The following THAP7 variants were observed in gnomAD, a reference collection of about 807,000 sequenced individuals.
THAP7 encodes THAP domain-containing protein 7.
THAP7 carries 22 observed loss-of-function variants against 29.2 expected under a neutral mutation model. The ratio of observed to expected loss-of-function variants is 0.75; its 90% CI spans 0.54 to 1.08. The LOEUF (loss-of-function observed/expected upper bound fraction) is 1.08. THAP7 is among the 50% of genes least tolerant of loss of function. THAP7 has a pLI of 0.00. For missense variants in THAP7, 448 were observed against 416.2 expected (o/e 1.08, Z -0.66); for synonymous variants, 208 against 173.4 (o/e 1.20, Z -1.57).
intron 1 of THAP7, 195 bp downstream of exon 1, chr22:21,001,637 C>G: frequency 3.3e-6 from 3 of 898,126 alleles, no homozygotes; most frequent in Non-Finnish European, 4.9e-6. Context: ...GGGGCGGGTC[C>G]AAGCCGGCTA....
Position 21,000,134 on chromosome 22 carries a change from T to A in THAP7, c.676A>T (p.Ile226Phe). The part of the protein sequence containing the change: ...LRLPPPAGAY[I>F]QNEHSYQVGS... ...ACCTGGTAGCTGTGTTCATTCTGGA[T>A]GTAGGCTCCGGCGGGTGGGGGCAGG... The change falls in exon 4 of 4, where the codon ATC (isoleucine) becomes TTC (phenylalanine). Residue 226 changes from isoleucine (I) to phenylalanine (F), a missense_variant. By Grantham distance (21) the Ile-to-Phe change is conservative. Coordinates refer to ENST00000215742, the MANE Select transcript of THAP7 (RefSeq NM_030573.3). 1 of 1,607,668 alleles carries A rather than the reference T, an allele frequency of 6.2e-7. No individual in the cohort carries two copies. Among genetic ancestry groups the A allele is most frequent in the Non-Finnish European group, 8.5e-7 (1 of 1,177,654 alleles).
chr22:21,002,107 C>G lies in THAP7; in HGVS notation c.-196G>C, dbSNP rs1925216305. The G allele has an allele frequency of 1.7e-6, 1 of 572,810 alleles. No homozygotes were observed. The allele number at this position is 572,810 out of a possible 1,614,324, so 35.5% of individuals were successfully genotyped here. A position where few individuals can be genotyped will look rare whatever the true frequency, so the allele number is the denominator to read the frequency against. On this transcript the variant is annotated 5_prime_UTR_variant, in exon 1 of 4. Transcript: ENST00000215742. ...TCACGCTCTGGCCATTGCTGCGCCGCCGAAGTCTCGCGAGGGGTAGCGCGC... is the reference window on the plus strand; with the variant it reads ...TCACGCTCTGGCCATTGCTGCGCCGGCGAAGTCTCGCGAGGGGTAGCGCGC...
Position 21,000,794 on chromosome 22 carries a change from G to A in THAP7, c.237-7C>T. Reference sequence around the variant, plus strand: ...CTTTAGCCTGTGATATCCACTGCGGGGAAAAGCAACCCAGATGAGCTGGAG... The same window carrying A: ...CTTTAGCCTGTGATATCCACTGCGGAGAAAAGCAACCCAGATGAGCTGGAG... On this transcript the variant is annotated splice_polypyrimidine_tract_variant and splice_region_variant and intron_variant, in intron 2 of 3. Coordinates refer to ENST00000215742, the MANE Select transcript of THAP7 (RefSeq NM_030573.3). 1 of 1,614,046 alleles carries A rather than the reference G, an allele frequency of 6.2e-7. No individual in the cohort carries two copies. The highest frequency in any genetic ancestry group is 1.1e-5 in the South Asian group (1 of 91,088).
intron 1 of THAP7, 95 bp downstream of exon 1, chr22:21,001,737 A>T: frequency 1.5e-6 from 2 of 1,324,206 alleles, no homozygotes; most frequent in Admixed American, 2.4e-5. Flanking sequence ...CCTCCTCAGT[A>T]TCTGAGAAAG....
At chr22:21,001,174 A>G in intron 2 of THAP7, 82 bp downstream of exon 2, 1 of 1,565,268 alleles carries the variant, frequency 6.4e-7, no homozygotes, top group East Asian at 2.3e-5. Flanking sequence ...AGGCTGCTCA[A>G]GGGACTTCCA....
chr22:21,000,672 T>A lies in THAP7; in HGVS notation c.352A>T (p.Ser118Cys). ...CGCTTCCTGCATCGTCTGAGCCGGCTGACTTCAGCGGGGCCAGGTGGGTAA... is the reference window on the plus strand; with the variant it reads ...CGCTTCCTGCATCGTCTGAGCCGGCAGACTTCAGCGGGGCCAGGTGGGTAA... ...HSYPPGPAEVSRLRRCRKRCS... is the reference protein window; with the variant it reads ...HSYPPGPAEVCRLRRCRKRCS... Residue 118 changes from serine (S) to cysteine (C), a missense_variant, in exon 3 of 4, where the codon AGC becomes TGC. Ser to Cys is a moderately radical substitution (Grantham distance 112). Transcript: ENST00000215742. 6.2e-7 allele frequency: 1 copy of A among 1,614,170 alleles called. No homozygotes were observed. Among genetic ancestry groups the A allele is most frequent in the Non-Finnish European group, 8.5e-7 (1 of 1,180,028 alleles).
chr22:21,000,872 T>G (rs2147975686), intron 2 of THAP7, 85 bp from the exon 3 acceptor site: 1 of 1,585,202 alleles, frequency 6.3e-7, no homozygotes, highest in Non-Finnish European at 8.6e-7. Context: ...CGCCGTGGGA[T>G]GCTGGAAGGC....
rs950322275 is a variant in THAP7 at position 20,999,808 on chromosome 22, G to A, written c.*72C>T. The A allele has an allele frequency of 6.7e-6, 10 of 1,501,806 alleles. No individual in the cohort carries two copies. In the African/African-American group the frequency reaches 1.4e-4, roughly 21 times the overall value. 93.0% of individuals were successfully genotyped at this position (1,501,806 alleles called of 1,614,324 possible). A position where few individuals can be genotyped will look rare whatever the true frequency, so the allele number is the denominator to read the frequency against. On this transcript the variant is annotated 3_prime_UTR_variant, in exon 4 of 4. Coordinates refer to ENST00000215742, the MANE Select transcript of THAP7 (RefSeq NM_030573.3). ...ATCCGCTTTATTATGGCACCTGGTGGGTCTGGTGGGATCTGAGGGAGGAAG... is the reference window on the plus strand; with the variant it reads ...ATCCGCTTTATTATGGCACCTGGTGAGTCTGGTGGGATCTGAGGGAGGAAG...
In THAP7 at chr22:20,999,142, G is replaced by T. The variant is rs938952146; in HGVS notation, c.*738C>A. On this transcript the variant is annotated 3_prime_UTR_variant, in exon 4 of 4. Transcript: ENST00000215742. ...GTCACCCCAAGACGGAGCTGTTTGAGAACTGCAGCTGCAGCAAGGCCTTCC... is the reference window on the plus strand; with the variant it reads ...GTCACCCCAAGACGGAGCTGTTTGATAACTGCAGCTGCAGCAAGGCCTTCC... 6.6e-6 allele frequency: 1 copy of T among 152,228 alleles called. No homozygotes were observed. Among genetic ancestry groups the T allele is most frequent in the African/African-American group, 2.4e-5 (1 of 41,450 alleles). 9.4% of individuals were successfully genotyped at this position (152,228 alleles called of 1,614,324 possible). A position where few individuals can be genotyped will look rare whatever the true frequency, so the allele number is the denominator to read the frequency against.
chr22:21,001,715 C>T (rs1925176702), intron 1 of THAP7, 117 bp downstream of exon 1: 2 of 1,176,664 alleles, frequency 1.7e-6, no homozygotes, highest in Non-Finnish European at 2.3e-6. Flanking sequence ...ACCTCCCACC[C>T]ACAGGTTCAA....
rs539728839 is a variant in THAP7 at position 21,000,147 on chromosome 22, G to C, written c.663C>G (p.Pro221=). ...PSAYMLRLPP[P]AGAYIQNEHS... ...GTTCATTCTGGATGTAGGCTCCGGC[G>C]GGTGGGGGCAGGCGCAGCATATACG... The change falls in exon 4 of 4, where the codon CCC becomes CCG. Residue 221 remains proline (P), a synonymous_variant. Transcript: ENST00000215742. 9 of 1,598,818 alleles carry C rather than the reference G, an allele frequency of 5.6e-6. No homozygotes were observed. In the East Asian group the frequency reaches 2.0e-4, roughly 36 times the overall value.
chr22:21,001,199 C>A, intron 2 of THAP7, 57 bp downstream of exon 2: 1 of 1,598,700 alleles, frequency 6.3e-7, no homozygotes, highest in Non-Finnish European at 8.5e-7. Context: ...CTGCAGCTGT[C>A]CCAGTCCGCC....
In THAP7 at chr22:21,000,227, G is replaced by A. The variant is rs1297138099; in HGVS notation, c.583C>T (p.Pro195Ser). Residue 195 changes from proline to serine, a missense_variant, in exon 4 of 4, where the codon CCT (proline) becomes TCT (serine). By Grantham distance (74) the Pro-to-Ser change is moderately conservative (BLOSUM62 -1). Coordinates refer to ENST00000215742, the MANE Select transcript of THAP7 (RefSeq NM_030573.3). ...QADEAGCSAQ[P>S]SPERQPSPLE... Reference sequence around the variant, plus strand: ...GGGGAGGGCTGCCGCTCTGGTGAAGGCTGGGCGCTGCAGCCTGCTTCATCT... The same window carrying A: ...GGGGAGGGCTGCCGCTCTGGTGAAGACTGGGCGCTGCAGCCTGCTTCATCT... 21 of 1,557,564 alleles carry A rather than the reference G, an allele frequency of 1.3e-5. No homozygotes were observed. Among genetic ancestry groups the A allele is most frequent in the Non-Finnish European group, 1.8e-5 (21 of 1,150,596 alleles).
intron 2 of THAP7, 181 bp downstream of exon 2, chr22:21,001,075 C>T (rs1925137814): frequency 1.0e-6 from 1 of 963,296 alleles, no homozygotes; most frequent in Non-Finnish European, 1.5e-6. Context: ...GGAAAGGCTC[C>T]TGTTTTCCCC....
chr22:21,001,623 G>C, intron 1 of THAP7: 1 of 894,084 alleles, frequency 1.1e-6, no homozygotes, highest in Non-Finnish European at 1.7e-6. Context: ...GCAGGTAACA[G>C]AGTGGGGCGG....
In THAP7 at chr22:21,001,385, C is replaced by T; in HGVS notation, c.107G>A (p.Arg36Gln). The change falls in exon 2 of 4, where the codon CGA (arginine) becomes CAA (glutamine). Residue 36 changes from arginine to glutamine, a missense_variant. By Grantham distance (43) the Arg-to-Gln change is conservative. Coordinates refer to ENST00000215742, the MANE Select transcript of THAP7 (RefSeq NM_030573.3). Reference sequence around the variant, plus strand: ...CTGGCAGTTGGCCAGCCACAAGCCTCGCCTCGGGTTGTCCTTCTTGGGAAG... The same window carrying T: ...CTGGCAGTTGGCCAGCCACAAGCCTTGCCTCGGGTTGTCCTTCTTGGGAAG... ...HRLPKKDNPR[R>Q]GLWLANCQRL... The T allele has an allele frequency of 6.2e-7, 1 of 1,613,922 alleles. No homozygotes were observed. The highest frequency in any genetic ancestry group is 8.5e-7 in the Non-Finnish European group (1 of 1,180,016).
Position 21,000,286 on chromosome 22 carries a change from A to C in THAP7, c.524T>G (p.Phe175Cys), listed in dbSNP as rs1449525240. The stretch of plus-strand genomic sequence containing the variant: ...ACCCAAGGGGCCCAGTAGGTCTGAA[A>C]AGGGGCTGCTAAGGCCAGGCTCCAG... ...GRLEPGLSSP[F>C]SDLLGPLGAQ... The change falls in exon 4 of 4, where the codon TTT (phenylalanine) becomes TGT (cysteine). Residue 175 changes from phenylalanine to cysteine, a missense_variant. By Grantham distance (205) the Phe-to-Cys change is radical. Coordinates refer to ENST00000215742, the MANE Select transcript of THAP7 (RefSeq NM_030573.3). The C allele has an allele frequency of 1.3e-6, 2 of 1,557,418 alleles. No homozygotes were observed. Among genetic ancestry groups the C allele is most frequent in the Non-Finnish European group, 1.7e-6 (2 of 1,150,812 alleles).
At chr22:21,001,736 T>C in intron 1 of THAP7, 96 bp downstream of exon 1, 5 of 1,311,222 alleles carry the variant, frequency 3.8e-6, no homozygotes, top group Admixed American at 2.4e-5. Flanking sequence ...GCCTCCTCAG[T>C]ATCTGAGAAA....
In THAP7 at chr22:21,000,396, A is replaced by C; in HGVS notation, c.414T>G (p.Ser138=). 1 of 1,553,434 alleles carries C rather than the reference A, an allele frequency of 6.4e-7. No individual in the cohort carries two copies. The highest frequency in any genetic ancestry group is 8.7e-7 in the Non-Finnish European group (1 of 1,148,766). The stretch of plus-strand genomic sequence containing the variant: ...AGGTGACATCAGCAGGTGGAGGTGG[A>C]GAAAATGGAGTTGTGGGCCCTCGGC... ...SEGRGPTTPF[S]PPPPADVTCF... Residue 138 remains serine, a synonymous_variant, in exon 4 of 4, where the codon TCT becomes TCG. Transcript: ENST00000215742.
Sources: gnomAD v4.1 joint callset for allele counts on GRCh38, gnomAD v4.1.1 for gene constraint, MANE v1.5 for transcripts, NCBI Gene and HGNC (gene_info 2026-07-23, HGNC 2026-07-21) for gene names.